PAX1: variants seen among roughly 807,000 people sequenced by gnomAD.
PAX1 encodes paired box protein Pax-1.
In PAX1, 18 loss-of-function variants were observed where a neutral mutation model predicts 35.6. The ratio of observed to expected loss-of-function variants is 0.50; its 90% CI spans 0.35 to 0.75. The LOEUF is 0.75. Among genes scored for constraint, PAX1 ranks in the 30% least tolerant of loss-of-function variants. The pLI is 0.01. For synonymous variants in PAX1, 397 were observed against 305.2 expected (o/e 1.30, Z -3.14); for missense variants, 760 against 661.5 (o/e 1.15, Z -1.63).
rs1480754738 is a variant in PAX1 at position 21,714,759 on chromosome 20, CT to C, written c.*200del. The C allele has an allele frequency of 6.9e-6, 11 of 1,601,752 alleles. No homozygotes were observed. The highest frequency in any genetic ancestry group is 2.7e-5 in the African/African-American group (2 of 74,924). On this transcript the variant is annotated 3_prime_UTR_variant, in exon 5 of 5. Transcript: ENST00000613128. ...CCTCTGGCCGGACCCACCACACTTC[CT>C]TTATTGGTCTGGGTTTTTAGGCTTC... is the stretch of plus-strand genomic sequence containing the variant.
chr20:21,717,700 A>G lies in PAX1; in HGVS notation c.*3138A>G, dbSNP rs1985417357. The G allele has an allele frequency of 6.6e-6, 1 of 152,106 alleles. No individual in the cohort carries two copies. The highest frequency in any genetic ancestry group is 2.4e-5 in the African/African-American group (1 of 41,444). The allele number at this position is 152,106 out of a possible 1,614,324, so 9.4% of individuals were successfully genotyped here. A position where few individuals can be genotyped will look rare whatever the true frequency, so the allele number is the denominator to read the frequency against. ...CTTTCATTTTTTTAATTTAAGAATA[A>G]GTTTTTTTTAGAAAAATATAGAGAT... On this transcript the variant is annotated 3_prime_UTR_variant, in exon 5 of 5. Coordinates refer to ENST00000613128, the MANE Select transcript of PAX1 (RefSeq NM_001257096.2).
chr20:21,710,871 A>G (rs545005430), intron 4 of PAX1, among the ~76,000 whole-genome samples: 1 of 152,224 alleles, frequency 6.6e-6, no homozygotes, highest in African/African-American at 2.4e-5. Context: ...AAAAATTGGG[A>G]TTTAGAGCTC....
Position 21,706,149 on chromosome 20 carries a change from G to C in PAX1, c.286+151G>C. 1.3e-6 allele frequency: 1 copy of C among 798,920 alleles called. No homozygotes were observed. The highest frequency in any genetic ancestry group is 2.0e-5 in the Admixed American group (1 of 49,572). The allele number at this position is 798,920 out of a possible 1,614,324, so 49.5% of individuals were successfully genotyped here. On this transcript the variant is annotated intron_variant, in intron 1 of 4. Coordinates refer to ENST00000613128, the MANE Select transcript of PAX1 (RefSeq NM_001257096.2). This position sits in a 1 kb window ranked among gnomAD's most constrained non-coding sequence, Gnocchi z 5.3. The stretch of plus-strand genomic sequence containing the variant: ...TCCTCTGATCCCCAGCCTTCAGGGG[G>C]CAGTTGAGCAAGTCTGGGAAGGGAG...
At chr20:21,707,649 T>A (rs1309629189) in intron 2 of PAX1, among the ~76,000 whole-genome samples, 2 of 152,044 alleles carry the variant, frequency 1.3e-5, no homozygotes, top group Non-Finnish European at 2.9e-5. Flanking sequence ...ATAGGTCAAG[T>A]GGGTGACGAG....
rs1225316117 is a variant in PAX1, at chr20:21,715,110, GC to G, written c.*551del. ...CTTTCTAGTCCTCTATATGCTATCA[GC>G]CCTTTTTCCTGGTCCATCCCTGTCG... is the stretch of plus-strand genomic sequence containing the variant. On this transcript the variant is annotated 3_prime_UTR_variant, in exon 5 of 5. Transcript: ENST00000613128. 41 of 488,686 alleles carry G rather than the reference GC, an allele frequency of 8.4e-5. No homozygotes were observed. In the East Asian group the frequency reaches 1.6e-3, roughly 19 times the overall value. 30.3% of individuals were successfully genotyped at this position (488,686 alleles called of 1,614,324 possible).
chr20:21,706,383 A>AACCCGCCGGGTGTTTTCTC lies in PAX1; in HGVS notation c.287-54_287-36dup. The AACCCGCCGGGTGTTTTCTC allele has an allele frequency of 1.2e-6, 2 of 1,604,858 alleles. No individual in the cohort carries two copies. Among genetic ancestry groups the AACCCGCCGGGTGTTTTCTC allele is most frequent in the South Asian group, 2.2e-5 (2 of 91,058 alleles). ...TCGCTCCGCGTGGGGACCCTTGGCT[A>AACCCGCCGGGTGTTTTCTC]ACCCGCCGGGTGTTTTCTCCCCCTC... On this transcript the variant is annotated intron_variant, in intron 1 of 4. Coordinates refer to ENST00000613128, the MANE Select transcript of PAX1 (RefSeq NM_001257096.2). The surrounding 1 kb of genome is among the most constrained non-coding windows in gnomAD (Gnocchi z 5.3).
chr20:21,714,789 G>T lies in PAX1; in HGVS notation c.*227G>T. 6.2e-7 allele frequency: 1 copy of T among 1,600,260 alleles called. No homozygotes were observed. The highest frequency in any genetic ancestry group is 1.1e-5 in the South Asian group (1 of 91,072). On this transcript the variant is annotated 3_prime_UTR_variant, in exon 5 of 5. Coordinates refer to ENST00000613128, the MANE Select transcript of PAX1 (RefSeq NM_001257096.2). ...TTGGTCTGGGTTTTTAGGCTTCTCT[G>T]AACTTGGGTTTTAGACTGCCGTACC...
chr20:21,709,468 G>A (rs1378024101), intron 4 of PAX1, 24 bp downstream of exon 4: 6 of 1,486,596 alleles, frequency 4.0e-6, no homozygotes, highest in Non-Finnish European at 5.4e-6. Flanking sequence ...GGAGTGGGGC[G>A]GGTGGATGCT....
intron 2 of PAX1, among the ~76,000 whole-genome samples, chr20:21,708,022 G>A (rs183972988): frequency 6.6e-6 from 1 of 152,212 alleles, no homozygotes; most frequent in Non-Finnish European, 1.5e-5. Flanking sequence ...CAGATCTGGA[G>A]GTTTCCCTTG....
In PAX1 at chr20:21,716,612, G is replaced by C. The variant is rs186717382; in HGVS notation, c.*2050G>C. The C allele has an allele frequency of 6.6e-6, 1 of 151,726 alleles. No individual in the cohort carries two copies. The highest frequency in any genetic ancestry group is 1.5e-5 in the Non-Finnish European group (1 of 67,948). 9.4% of individuals were successfully genotyped at this position (151,726 alleles called of 1,614,324 possible). A position where few individuals can be genotyped will look rare whatever the true frequency, so the allele number is the denominator to read the frequency against. On this transcript the variant is annotated 3_prime_UTR_variant, in exon 5 of 5. Transcript: ENST00000613128. Reference sequence around the variant, plus strand: ...CACATAGCAAGGTATGAATTAGAGGGCTTGTGCTTGGAAACTGGGTGACAC... The same window carrying C: ...CACATAGCAAGGTATGAATTAGAGGCCTTGTGCTTGGAAACTGGGTGACAC...
intron 4 of PAX1, among the ~76,000 whole-genome samples, chr20:21,710,137 C>G (rs1425710131): frequency 6.6e-6 from 1 of 151,950 alleles, no homozygotes; most frequent in Non-Finnish European, 1.5e-5. Context: ...GCCTGGGAGT[C>G]TTGCCTCCTT....
intron 4 of PAX1, among the ~76,000 whole-genome samples, chr20:21,711,302 C>A (rs559559288): frequency 6.6e-6 from 1 of 152,354 alleles, no homozygotes; most frequent in South Asian, 2.1e-4. Flanking sequence ...CTACATTAGA[C>A]ACAAATTATA....
intron 4 of PAX1, among the ~76,000 whole-genome samples, chr20:21,710,268 G>C (rs1473353828): frequency 6.6e-6 from 1 of 152,150 alleles, no homozygotes. Context: ...CAACCAGGAG[G>C]GTTCCAGTTT....
chr20:21,711,848 G>A (rs1985207747), intron 4 of PAX1, among the ~76,000 whole-genome samples: 1 of 152,134 alleles, frequency 6.6e-6, no homozygotes. Context: ...CTGGTCTTTG[G>A]AAAGACAGAA....
Position 21,708,810 on chromosome 20 carries a change from G to T in PAX1, c.1059+110G>T, listed in dbSNP as rs570447477. On this transcript the variant is annotated intron_variant, in intron 3 of 4. Transcript: ENST00000613128. ...GAAAAAATTTCCAGGCAGAGAGATG[G>T]TTGTATCTGGCAGCCGGCTAGCAAG... is the stretch of plus-strand genomic sequence containing the variant. 4 of 1,105,504 alleles carry T rather than the reference G, an allele frequency of 3.6e-6. No homozygotes were observed. The South Asian group carries it at 4.0e-5, about 11-fold the overall frequency. 68.5% of individuals were successfully genotyped at this position (1,105,504 alleles called of 1,614,324 possible).
In PAX1 at chr20:21,714,532, C is replaced by T. The variant is rs368447637; in HGVS notation, c.1344C>T (p.His448=). The T allele has an allele frequency of 2.5e-6, 4 of 1,596,742 alleles. No individual in the cohort carries two copies. The highest frequency in any genetic ancestry group is 2.7e-5 in the African/African-American group (2 of 74,626). The change falls in exon 5 of 5, where the codon CAC becomes CAT. Residue 448 remains histidine (H), a synonymous_variant. Transcript: ENST00000613128. ...CCCCGGACGCCCTCAGTAGCTTACA[C>T]GGACTGCCCATCCCGGCCTCGACCT... is the stretch of plus-strand genomic sequence containing the variant. The part of the protein sequence containing the change: ...SKAPDALSSL[H]GLPIPASTS
chr20:21,708,583 C>T lies in PAX1; in HGVS notation c.942C>T (p.Thr314=), dbSNP rs755997558. The T allele has an allele frequency of 2.1e-5, 34 of 1,613,780 alleles. No individual in the cohort carries two copies. The highest frequency in any genetic ancestry group is 2.9e-5 in the Non-Finnish European group (34 of 1,180,022). Residue 314 remains threonine (T), a synonymous_variant, in exon 3 of 5, where the codon ACC becomes ACT. Coordinates refer to ENST00000613128, the MANE Select transcript of PAX1 (RefSeq NM_001257096.2). ...GGGCCCTGGCTGGGAGCGAAGGCAC[C>T]GCTTACTCTCCCAAGATGGAAGACT... is the stretch of plus-strand genomic sequence containing the variant. ...QTGALAGSEG[T]AYSPKMEDWA... is the part of the protein sequence containing the mutation.
chr20:21,708,214 G>A (rs923505413), intron 2 of PAX1: 10 of 461,014 alleles, frequency 2.2e-5, no homozygotes, highest in East Asian at 4.3e-5. Context: ...ATTTTCATGA[G>A]GTTGCTGTAG....
intron 2 of PAX1, chr20:21,708,283 G>A: frequency 1.7e-6 from 1 of 571,632 alleles, no homozygotes; most frequent in Non-Finnish European, 3.2e-6. Context: ...CGCTTTGGCC[G>A]AGTCTGCCCA....
Sources: allele counts gnomAD v4.1 joint callset (sites outside exome capture counted in the v4.1 genomes callset), GRCh38; gene constraint gnomAD v4.1.1; non-coding constraint Gnocchi (gnomAD v3.1); transcripts MANE v1.5; gene names NCBI Gene and HGNC (gene_info 2026-07-23, HGNC 2026-07-21).